CNBD1: variants seen among roughly 807,000 people sequenced by gnomAD.
CNBD1 encodes the protein cyclic nucleotide-binding domain-containing protein 1.
Under a neutral mutation model 54.4 loss-of-function variants are expected in CNBD1, and 71 were observed. The observed-to-expected ratio is 1.30, with a 90% CI of 1.08 to 1.59. CNBD1 has a LOEUF of 1.59. Among genes scored for constraint, CNBD1 ranks in the 40% most tolerant of loss-of-function variants. The pLI, the probability that CNBD1 is intolerant of heterozygous loss-of-function variation, is 0.00. For missense variants in CNBD1, 659 were observed against 518.0 expected (o/e 1.27, Z -2.64); for synonymous variants, 182 against 170.7 (o/e 1.07, Z -0.51).
intron 5 of CNBD1, among the ~76,000 whole-genome samples, chr8:87,208,708 G>A (rs1814029812): frequency 6.6e-6 from 1 of 151,882 alleles, no homozygotes; most frequent in Admixed American, 6.6e-5. Flanking sequence ...ATAAAATAAT[G>A]TTTTTCTCTT....
chr8:87,242,988 A>T (rs1807735893), intron 6 of CNBD1, among the ~76,000 whole-genome samples: 1 of 152,244 alleles, frequency 6.6e-6, no homozygotes, highest in Admixed American at 6.5e-5. Flanking sequence ...ACCTGCTGCC[A>T]GTATGTATAT....
At chr8:87,022,214 G>A (rs1357978258) in intron 4 of CNBD1, among the ~76,000 whole-genome samples, 2 of 152,204 alleles carry the variant, frequency 1.3e-5, no homozygotes, top group African/African-American at 4.8e-5. Context: ...GCGGAGAAGG[G>A]AATGTCTGCA....
chr8:87,361,049 A>C (rs530761600), intron 10 of CNBD1, among the ~76,000 whole-genome samples: 1 of 151,910 alleles, frequency 6.6e-6, no homozygotes, highest in Non-Finnish European at 1.5e-5. Context: ...ACTAATAAAA[A>C]GGATTTAAGC....
chr8:87,363,011 C>T (rs1810554400), intron 10 of CNBD1, among the ~76,000 whole-genome samples: 1 of 151,888 alleles, frequency 6.6e-6, no homozygotes, highest in Non-Finnish European at 1.5e-5. Context: ...TCTAGTACGC[C>T]CCACCCAACA....
intron 8 of CNBD1, among the ~76,000 whole-genome samples, chr8:87,309,419 A>G (rs1809220064): frequency 6.6e-6 from 1 of 152,122 alleles, no homozygotes; most frequent in Non-Finnish European, 1.5e-5. Context: ...CAACATTTAA[A>G]TTACAGATTT....
intron 4 of CNBD1, among the ~76,000 whole-genome samples, chr8:86,982,747 C>T (rs1439794661): frequency 6.6e-6 from 1 of 152,026 alleles, no homozygotes; most frequent in Non-Finnish European, 1.5e-5. Context: ...ACCTTCTTTT[C>T]AAAATTGTTT....
rs946938141 is a variant in CNBD1, at chr8:87,166,142, T to A, written c.432-39851T>A. 6.6e-6 allele frequency among the ~76,000 whole-genome samples: 1 copy of A among 151,968 alleles called. No homozygotes were observed. The highest frequency in any genetic ancestry group is 2.4e-5 in the African/African-American group (1 of 41,408). On this transcript the variant is annotated intron_variant, in intron 4 of 10. Transcript: ENST00000518476. This position sits in a 1 kb window ranked among gnomAD's most constrained non-coding sequence, Gnocchi z 4.3. ...CCCACTAATAAAACCTCTTAAACTG[T>A]TCTTTTTCCCTTCCTCTCTCTCAAT...
chr8:87,134,182 A>G lies in CNBD1; in HGVS notation c.432-71811A>G, dbSNP rs562990034. Among the ~76,000 whole-genome samples, 15 of 152,314 alleles carry G rather than the reference A, an allele frequency of 9.8e-5. No individual in the cohort carries two copies. The South Asian group carries it at 3.1e-3, about 32-fold the overall frequency. On this transcript the variant is annotated intron_variant, in intron 4 of 10. Coordinates refer to ENST00000518476, the MANE Select transcript of CNBD1 (RefSeq NM_173538.3). ...TAATTTGTTTAAAATGTAAATGCAA[A>G]GTATTTGAATGTAATTATTGACTGT... is the stretch of plus-strand genomic sequence containing the variant.
At chr8:87,345,422 C>T (rs1336397009) in intron 8 of CNBD1, among the ~76,000 whole-genome samples, 1 of 152,140 alleles carries the variant, frequency 6.6e-6, no homozygotes, top group African/African-American at 2.4e-5. Flanking sequence ...TGCTCTACCC[C>T]TTCTGCATAG....
intron 6 of CNBD1, among the ~76,000 whole-genome samples, chr8:87,264,874 A>G (rs189603212): frequency 6.6e-6 from 1 of 151,896 alleles, no homozygotes; most frequent in Admixed American, 6.6e-5. Context: ...AAATTTGTTT[A>G]AGTTCTTTGT....
At chr8:87,382,263 A>T (rs972802824) in intron 10 of CNBD1, among the ~76,000 whole-genome samples, 7 of 151,994 alleles carry the variant, frequency 4.6e-5, no homozygotes, top group African/African-American at 1.7e-4. Flanking sequence ...ATGATTTTAC[A>T]TTCATATGAA....
chr8:87,126,116 C>G (rs1388473244), intron 4 of CNBD1, among the ~76,000 whole-genome samples: 1 of 151,888 alleles, frequency 6.6e-6, no homozygotes, highest in Non-Finnish European at 1.5e-5. Context: ...CTGGCTATTA[C>G]ACATAAAGTG....
intron 8 of CNBD1, among the ~76,000 whole-genome samples, chr8:87,334,423 T>C (rs1159510935): frequency 1.3e-5 from 2 of 152,230 alleles, no homozygotes; most frequent in East Asian, 3.9e-4. Context: ...CTGCTAGCTT[T>C]TGGATTTCTT....
intron 4 of CNBD1, among the ~76,000 whole-genome samples, chr8:86,994,747 C>T (rs185204314): frequency 4.3e-4 from 65 of 152,076 alleles, no homozygotes; most frequent in African/African-American, 1.5e-3. Flanking sequence ...GTCGCTTCTC[C>T]GTCAACTCTC....
At chr8:87,279,711 AT>A (rs763450859) in intron 6 of CNBD1, among the ~76,000 whole-genome samples, 2 of 151,166 alleles carry the variant, frequency 1.3e-5, no homozygotes, top group Non-Finnish European at 3.0e-5. Context: ...TTATATCGAG[AT>A]TATATATTTT....
Position 87,082,509 on chromosome 8 carries a change from T to C in CNBD1, c.432-123484T>C, listed in dbSNP as rs543893303. ...CTTGACAATATTCCTTGTTTTGTTG[T>C]CTGCTTCACCTGCATTAACATCTGC... On this transcript the variant is annotated intron_variant, in intron 4 of 10. Coordinates refer to ENST00000518476, the MANE Select transcript of CNBD1 (RefSeq NM_173538.3). 2.7e-3 allele frequency among the ~76,000 whole-genome samples: 405 copies of C among 152,344 alleles called. 1 individual carries two copies. The highest frequency in any genetic ancestry group is 9.5e-3 in the African/African-American group (393 of 41,578).
chr8:87,300,170 G>A (rs1808957008), intron 8 of CNBD1, among the ~76,000 whole-genome samples: 1 of 151,970 alleles, frequency 6.6e-6, no homozygotes, highest in Admixed American at 6.6e-5. Context: ...CAATATTATA[G>A]TTTTATGAAT....
chr8:87,421,549 G>C (rs1290745138), intron 2 of CNBD1, among the ~76,000 whole-genome samples: 4 of 150,860 alleles, frequency 2.7e-5, no homozygotes, highest in Non-Finnish European at 5.9e-5. Context: ...TCTTGCGATA[G>C]TTTACTGAGA....
intron 8 of CNBD1, among the ~76,000 whole-genome samples, chr8:87,298,166 C>CT (rs34339376): frequency 0.31 from 47,079 of 151,206 alleles, 7,515 homozygotes; most frequent in Middle Eastern, 0.42. Flanking sequence ...AACTACATTG[C>CT]TTTTTTTTAT....
Sources: allele counts gnomAD v4.1 joint callset (sites outside exome capture counted in the v4.1 genomes callset), GRCh38; gene constraint gnomAD v4.1.1; non-coding constraint Gnocchi (gnomAD v3.1); transcripts MANE v1.5; gene names NCBI Gene and HGNC (gene_info 2026-07-23, HGNC 2026-07-21).